The following LRRC7 variants were observed in gnomAD, a reference collection of about 807,000 sequenced individuals.
LRRC7 encodes the protein leucine-rich repeat-containing protein 7.
LRRC7 carries 23 observed loss-of-function variants against 175.7 expected under a neutral mutation model. That is an observed-to-expected ratio of 0.13 (90% CI 0.09 to 0.19). The LOEUF is 0.19. LRRC7 is among the 10% of genes least tolerant of loss of function. The pLI, the probability that LRRC7 is intolerant of heterozygous loss-of-function variation, is 1.00. For missense variants in LRRC7, 1,354 were observed against 1,904.7 expected, an observed-to-expected ratio of 0.71 and a Z score of 5.38; for synonymous variants, 685 against 680.9, an observed-to-expected ratio of 1.01 and a Z score of -0.09.
chr1:69,857,073 C>G (rs951459616), intron 7 of LRRC7, among the ~76,000 whole-genome samples: 1 of 152,092 alleles, frequency 6.6e-6, no homozygotes, highest in Non-Finnish European at 1.5e-5. Context: ...GTCCTTCATG[C>G]TAAAAACTCT....
intron 3 of LRRC7, among the ~76,000 whole-genome samples, chr1:69,775,142 G>A (rs1672671938): frequency 6.6e-6 from 1 of 152,106 alleles, no homozygotes; most frequent in Non-Finnish European, 1.5e-5. Context: ...ATTTATCAAT[G>A]CGTCTTATAA....
At chr1:70,107,619 ATAT>A in intron 25 of LRRC7, 130 bp from the exon 26 acceptor site, 2 of 589,610 alleles carry the variant, frequency 3.4e-6, no homozygotes, top group Non-Finnish European at 6.1e-6. Flanking sequence ...AAATACTATA[ATAT>A]TCTTTGAAGC....
intron 8 of LRRC7, among the ~76,000 whole-genome samples, chr1:69,941,821 C>T (rs1212461767): frequency 2.0e-5 from 3 of 151,982 alleles, no homozygotes; most frequent in African/African-American, 7.2e-5. Flanking sequence ...TCTTTGACAG[C>T]CTTTCCATGT....
intron 23 of LRRC7, among the ~76,000 whole-genome samples, chr1:70,057,342 G>A (rs991428399): frequency 1.3e-5 from 2 of 152,168 alleles, no homozygotes; most frequent in Non-Finnish European, 2.9e-5. Flanking sequence ...ATTAGCCTGG[G>A]CTGCAAAATT....
chr1:69,882,837 C>A (rs1686772458), intron 7 of LRRC7, among the ~76,000 whole-genome samples: 1 of 144,854 alleles, frequency 6.9e-6, no homozygotes, highest in South Asian at 2.2e-4. Flanking sequence ...TTGCTCAATT[C>A]CCACCTATGA....
At position 70,129,333 on chromosome 1, in the gene LRRC7, G is replaced by T. The variant is rs78413043; in HGVS notation, c.*7446G>T. On this transcript the variant is annotated 3_prime_UTR_variant, in exon 27 of 27. Coordinates refer to ENST00000651989, the MANE Select transcript of LRRC7 (RefSeq NM_001370785.2). ...GGCAACATTTGATAGGCTAAACGTGGCAAGTGTGAATGCCTTGCTAGACAA... is the reference window on the plus strand; with the variant it reads ...GGCAACATTTGATAGGCTAAACGTGTCAAGTGTGAATGCCTTGCTAGACAA... 1.3e-5 allele frequency among the ~76,000 whole-genome samples: 2 copies of T among 151,968 alleles called. No individual in the cohort carries two copies. Among genetic ancestry groups the T allele is most frequent in the Non-Finnish European group, 2.9e-5 (2 of 67,994 alleles).
At chr1:69,703,672 A>G (rs1663663929) in intron 2 of LRRC7, among the ~76,000 whole-genome samples, 1 of 151,996 alleles carries the variant, frequency 6.6e-6, no homozygotes, top group African/African-American at 2.4e-5. Context: ...CAGTTACGTA[A>G]TTGTTGCTTC....
intron 7 of LRRC7, among the ~76,000 whole-genome samples, chr1:69,913,354 C>T (rs1028284988): frequency 1.1e-4 from 16 of 152,132 alleles, no homozygotes; most frequent in Non-Finnish European, 1.8e-4. Context: ...ACAATCACAG[C>T]TGTGACTTTG....
chr1:69,888,393 G>A (rs61782597), intron 7 of LRRC7, among the ~76,000 whole-genome samples: 21,797 of 152,004 alleles, frequency 0.14, 2,284 homozygotes, highest in African/African-American at 0.3. Flanking sequence ...AGGTGCGTCC[G>A]TCACCCCTTT....
At position 69,732,021 on chromosome 1, in the gene LRRC7, G is replaced by C. The variant is rs532368654; in HGVS notation, c.101-28170G>C. On this transcript the variant is annotated intron_variant, in intron 2 of 26. Transcript: ENST00000651989. ...AAATACTAGACAAAGTGTTTTGCTTGATTTCTTTTATACCAATGGAACGAT... is the reference window on the plus strand; with the variant it reads ...AAATACTAGACAAAGTGTTTTGCTTCATTTCTTTTATACCAATGGAACGAT... 2.0e-5 allele frequency among the ~76,000 whole-genome samples: 3 copies of C among 152,058 alleles called. No homozygotes were observed. In the East Asian group the frequency reaches 5.8e-4, roughly 29 times the overall value.
chr1:69,841,244 A>G (rs1557796694), intron 7 of LRRC7, among the ~76,000 whole-genome samples: 2 of 151,946 alleles, frequency 1.3e-5, no homozygotes, highest in Non-Finnish European at 2.9e-5. Context: ...GCTACTCTCA[A>G]TGTGGCTGCT....
At chr1:69,732,534 T>C (rs1667688600) in intron 2 of LRRC7, among the ~76,000 whole-genome samples, 1 of 152,048 alleles carries the variant, frequency 6.6e-6, no homozygotes, top group South Asian at 2.1e-4. Flanking sequence ...TATGTTAACA[T>C]TCTGTTGCAA....
At chr1:69,801,547 G>A (rs1676493503) in intron 4 of LRRC7, among the ~76,000 whole-genome samples, 1 of 151,566 alleles carries the variant, frequency 6.6e-6, no homozygotes, top group Non-Finnish European at 1.5e-5. Flanking sequence ...TATTTCCGTG[G>A]CATCAGTTAT....
chr1:69,835,002 C>T (rs543502406), intron 6 of LRRC7, 133 bp downstream of exon 6: 41 of 605,378 alleles, frequency 6.8e-5, no homozygotes, highest in Admixed American at 4.3e-4. Flanking sequence ...ATAAATGAAA[C>T]GCTGTTAATT....
intron 9 of LRRC7, among the ~76,000 whole-genome samples, chr1:69,983,824 C>A (rs1653671938): frequency 6.6e-6 from 1 of 152,190 alleles, no homozygotes; most frequent in Non-Finnish European, 1.5e-5. Flanking sequence ...CTTTCTTTGT[C>A]TCTGCTTCCC....
intron 25 of LRRC7, among the ~76,000 whole-genome samples, chr1:70,090,550 C>A (rs1663952695): frequency 6.6e-6 from 1 of 151,994 alleles, no homozygotes; most frequent in African/African-American, 2.4e-5. Context: ...ATAGAACCTG[C>A]CCTGCTACCA....
At chr1:69,797,982 C>A (rs1675994868) in intron 4 of LRRC7, among the ~76,000 whole-genome samples, 1 of 152,106 alleles carries the variant, frequency 6.6e-6, no homozygotes, top group Non-Finnish European at 1.5e-5. Flanking sequence ...AGTGCAATGG[C>A]ATGATCTTGG....
At chr1:69,787,402 C>A (rs1674578318) in intron 3 of LRRC7, among the ~76,000 whole-genome samples, 2 of 152,242 alleles carry the variant, frequency 1.3e-5, no homozygotes, top group South Asian at 2.1e-4. Context: ...TGTGTGGGAG[C>A]TCCGACCCCA....
Position 69,768,048 on chromosome 1 carries a change from A to G in LRRC7, c.303+7655A>G, listed in dbSNP as rs555260650. Among the ~76,000 whole-genome samples the G allele has an allele frequency of 3.3e-5, 5 of 152,286 alleles. No homozygotes were observed. The South Asian group carries it at 1.0e-3, about 32-fold the overall frequency. On this transcript the variant is annotated intron_variant, in intron 3 of 26. Transcript: ENST00000651989. ...CCACTCATGCTGGGCTTTGTAGCTG[A>G]AACACCGATCATTCAATATAAAGCA...
Sources: allele counts gnomAD v4.1 joint callset (sites outside exome capture counted in the v4.1 genomes callset), GRCh38; gene constraint gnomAD v4.1.1; transcripts MANE v1.5; gene names NCBI Gene and HGNC (gene_info 2026-07-23, HGNC 2026-07-21).